Variants in PUM1 observed in about 807,000 individuals in gnomAD.
The protein encoded by PUM1 is pumilio RNA binding family member 1.
Under a neutral mutation model 131.8 loss-of-function variants are expected in PUM1, and 13 were observed. That is an observed-to-expected ratio of 0.10 (90% CI 0.06 to 0.16). The LOEUF (loss-of-function observed/expected upper bound fraction) is 0.16, where lower values mean the gene tolerates loss of function less well. Among genes scored for constraint, PUM1 ranks in the 10% least tolerant of loss-of-function variants. PUM1 has a pLI of 1.00. For synonymous variants in PUM1, 509 were observed against 556.5 expected (o/e 0.91, Z 1.20); for missense variants, 961 against 1,512.4 (o/e 0.64, Z 6.05).
chr1:30,932,948 C>A lies in PUM1; in HGVS notation c.*263G>T. ...GTGGCCTCCCATGTACATTGGTTAC[C>A]TATGTACAAGTATCCTATACACCAG... On this transcript the variant is annotated 3_prime_UTR_variant, in exon 22 of 22. Transcript: ENST00000426105. The A allele has an allele frequency of 3.3e-6, 1 of 303,924 alleles. No homozygotes were observed. Among genetic ancestry groups the A allele is most frequent in the African/African-American group, 2.2e-5 (1 of 45,040 alleles). The allele number at this position is 303,924 out of a possible 1,614,324, so 18.8% of individuals were successfully genotyped here.
chr1:30,945,809 G>A (rs1161096090), intron 17 of PUM1, among the ~76,000 whole-genome samples: 5 of 151,058 alleles, frequency 3.3e-5, no homozygotes, highest in Admixed American at 2.0e-4. Flanking sequence ...TTTTTGAGAC[G>A]GAGTCTTGCT....
At chr1:31,050,659 C>T in intron 2 of PUM1, among the ~76,000 whole-genome samples, 1 of 152,116 alleles carries the variant, frequency 6.6e-6, no homozygotes, top group East Asian at 1.9e-4. Flanking sequence ...AGCACAAATG[C>T]TAAGGCAATC....
At chr1:31,014,760 G>A (rs1418394666) in intron 3 of PUM1, among the ~76,000 whole-genome samples, 1 of 151,476 alleles carries the variant, frequency 6.6e-6, no homozygotes, top group Admixed American at 6.6e-5. Flanking sequence ...CTGCACTCCA[G>A]CCTGGGCGAC....
chr1:31,049,868 C>T (rs1318366713), intron 2 of PUM1, among the ~76,000 whole-genome samples: 1 of 119,470 alleles, frequency 8.4e-6, no homozygotes, highest in Non-Finnish European at 1.6e-5. Context: ...CTTGCTCTGT[C>T]GCCCAAGCTG....
chr1:31,057,488 G>T (rs533544307), intron 2 of PUM1, among the ~76,000 whole-genome samples: 2 of 151,124 alleles, frequency 1.3e-5, no homozygotes. Flanking sequence ...ACTTTGGGAG[G>T]CTGAGGCAGG....
At chr1:30,954,734 C>T (rs546644625) in intron 14 of PUM1, among the ~76,000 whole-genome samples, 3 of 152,026 alleles carry the variant, frequency 2.0e-5, no homozygotes, top group Non-Finnish European at 4.4e-5. Context: ...TTGTGAATCA[C>T]AGATAAAACA....
At chr1:31,028,419 CG>C (rs5773333) in intron 3 of PUM1, among the ~76,000 whole-genome samples, 85,140 of 116,318 alleles carry the variant, frequency 0.73, 27,864 homozygotes, top group East Asian at 0.86. Context: ...TTGCCATTGG[CG>C]GGGGGGGTGG....
chr1:31,025,554 T>C, intron 3 of PUM1, among the ~76,000 whole-genome samples: 1 of 139,814 alleles, frequency 7.2e-6, no homozygotes, highest in East Asian at 2.1e-4. Flanking sequence ...TCTTTTTTTT[T>C]TTTTTTTTTT....
intron 5 of PUM1, among the ~76,000 whole-genome samples, chr1:30,996,125 A>T (rs1641971399): frequency 6.6e-6 from 1 of 152,234 alleles, no homozygotes; most frequent in African/African-American, 2.4e-5. Flanking sequence ...GACATAGTAC[A>T]GAGAGATTTG....
intron 12 of PUM1, 181 bp from the exon 13 acceptor site, chr1:30,966,459 A>G: frequency 3.3e-6 from 2 of 608,734 alleles, no homozygotes; most frequent in Admixed American, 3.5e-5. Context: ...TCTACTTTCA[A>G]TTTGAACTCA....
chr1:30,953,581 G>C, intron 15 of PUM1, 133 bp downstream of exon 15: 1 of 921,320 alleles, frequency 1.1e-6, no homozygotes, highest in Non-Finnish European at 1.7e-6. Flanking sequence ...ATGAAATAAT[G>C]TGATGCAAAC....
intron 6 of PUM1, among the ~76,000 whole-genome samples, chr1:30,993,778 A>G (rs1192067271): frequency 6.6e-6 from 1 of 152,168 alleles, no homozygotes; most frequent in African/African-American, 2.4e-5. Context: ...TCTTCCAAAG[A>G]TTGTAATTCA....
At chr1:31,033,682 G>T (rs1485570088) in intron 2 of PUM1, among the ~76,000 whole-genome samples, 1 of 151,302 alleles carries the variant, frequency 6.6e-6, no homozygotes, top group Non-Finnish European at 1.5e-5. Context: ...ATTTTTTTGA[G>T]ACAGGGTCTG....
rs374697407 is a variant in PUM1, at chr1:30,952,360, G to T, written c.2595C>A (p.Phe865Leu). The change falls in exon 16 of 22, where the codon TTC (phenylalanine) becomes TTA (leucine). Residue 865 changes from phenylalanine to leucine, a missense_variant. Phe to Leu is a conservative substitution (Grantham distance 22, BLOSUM62 0). Coordinates refer to ENST00000426105, the MANE Select transcript of PUM1 (RefSeq NM_001020658.2). ...TGGCACGCTCCAGTTTCAGCTGAAT[G>T]AATCTGAAGTACAAAGTAAAAAGGG... ...EFSQDQHGSR[F>L]IQLKLERATP... 6.2e-7 allele frequency: 1 copy of T among 1,613,820 alleles called. No individual in the cohort carries two copies. Among genetic ancestry groups the T allele is most frequent in the Admixed American group, 1.7e-5 (1 of 60,016 alleles).
At chr1:31,043,288 C>T (rs545145976) in intron 2 of PUM1, among the ~76,000 whole-genome samples, 3 of 151,976 alleles carry the variant, frequency 2.0e-5, no homozygotes, top group African/African-American at 4.8e-5. Context: ...CCACAACATC[C>T]GCCTCCAGGG....
intron 2 of PUM1, chr1:31,055,520 C>T: frequency 2.6e-6 from 1 of 380,380 alleles, no homozygotes; most frequent in South Asian, 2.0e-5. Flanking sequence ...CTGCAATATA[C>T]CAACTACCCT....
At chr1:31,038,984 A>ATTTTTTTTTT (rs35507851) in intron 2 of PUM1, among the ~76,000 whole-genome samples, 7 of 49,414 alleles carry the variant, frequency 1.4e-4, no homozygotes, top group African/African-American at 2.1e-4. Flanking sequence ...ATATATATAT[A>ATTTTTTTTTT]TTTTTTTTTT....
At chr1:31,056,949 C>T (rs903425743) in intron 2 of PUM1, among the ~76,000 whole-genome samples, 51 of 152,014 alleles carry the variant, frequency 3.4e-4, no homozygotes, top group South Asian at 2.1e-4. Context: ...TGCGCCACCA[C>T]GCCTGGCTAA....
At chr1:30,972,163 G>A (rs1455031596) in intron 10 of PUM1, among the ~76,000 whole-genome samples, 5 of 147,848 alleles carry the variant, frequency 3.4e-5, no homozygotes, top group East Asian at 4.1e-4. Flanking sequence ...GCTGAGGCAC[G>A]AGAATTGCTT....
Sources: gnomAD v4.1 joint callset for allele counts (sites outside exome capture counted in the v4.1 genomes callset) on GRCh38, gnomAD v4.1.1 for gene constraint, MANE v1.5 for transcripts, NCBI Gene and HGNC (gene_info 2026-07-23, HGNC 2026-07-21) for gene names.